MTMR7: variants seen among roughly 807,000 people sequenced by gnomAD.
MTMR7 encodes myotubularin related protein 7, also known as phosphatidylinositol-3-phosphate phosphatase MTMR7.
Under a neutral mutation model 81.2 loss-of-function variants are expected in MTMR7, and 76 were observed. The observed-to-expected ratio is 0.94, with a 90% CI of 0.78 to 1.13. The LOEUF (loss-of-function observed/expected upper bound fraction) is 1.13. Among genes scored for constraint, MTMR7 ranks in the 50% most tolerant of loss-of-function variants. MTMR7 has a pLI of 0.00. For synonymous variants in MTMR7, 372 were observed against 289.8 expected (o/e 1.28, Z -2.88); for missense variants, 1,044 against 820.0 (o/e 1.27, Z -3.34).
intron 3 of MTMR7, among the ~76,000 whole-genome samples, chr8:17,365,950 C>A (rs1216882540): frequency 6.6e-6 from 1 of 152,132 alleles, no homozygotes; most frequent in Non-Finnish European, 1.5e-5. Context: ...CACAGAGATC[C>A]ATGTTTTGGC....
At chr8:17,349,962 A>G (rs1819679982) in intron 4 of MTMR7, among the ~76,000 whole-genome samples, 1 of 152,204 alleles carries the variant, frequency 6.6e-6, no homozygotes, top group Admixed American at 6.5e-5. Flanking sequence ...TGCAGCAACA[A>G]TATCTCATGG....
Position 17,380,237 on chromosome 8 carries a change from G to C in MTMR7, c.25-6997C>G, listed in dbSNP as rs577346193. Among the ~76,000 whole-genome samples, 5 of 152,284 alleles carry C rather than the reference G, an allele frequency of 3.3e-5. No homozygotes were observed. The South Asian group carries it at 1.0e-3, about 32-fold the overall frequency. On this transcript the variant is annotated intron_variant, in intron 1 of 13. Transcript: ENST00000180173. ...TGAATCAGGCCAACCCCAGTTGTCA[G>C]TTTGTTTATGAAAAATCACCAAATA...
intron 12 of MTMR7, 95 bp from the exon 13 acceptor site, chr8:17,302,375 T>A: frequency 7.5e-7 from 1 of 1,341,206 alleles, no homozygotes; most frequent in Non-Finnish European, 1.0e-6. Context: ...ACCACAGTCT[T>A]AATAATAACC....
chr8:17,385,011 T>C (rs1054043671), intron 1 of MTMR7, among the ~76,000 whole-genome samples: 8 of 152,218 alleles, frequency 5.3e-5, no homozygotes, highest in African/African-American at 1.9e-4. Flanking sequence ...GAAAAAATGC[T>C]GGTGGGATGC....
chr8:17,318,271 A>T (rs28622565), intron 7 of MTMR7, among the ~76,000 whole-genome samples: 12,940 of 152,088 alleles, frequency 0.085, 644 homozygotes, highest in African/African-American at 0.14. Context: ...TCTCACAGAC[A>T]CCCAGCAGAC....
chr8:17,317,018 A>C (rs1020064232), intron 7 of MTMR7, among the ~76,000 whole-genome samples: 4 of 152,160 alleles, frequency 2.6e-5, no homozygotes, highest in African/African-American at 7.2e-5. Context: ...GGTAATGCTG[A>C]TGCTTTAAGT....
At chr8:17,393,899 A>T (rs1470505956) in intron 1 of MTMR7, among the ~76,000 whole-genome samples, 3 of 152,236 alleles carry the variant, frequency 2.0e-5, no homozygotes, top group Non-Finnish European at 2.9e-5. Flanking sequence ...AAGAATCTTA[A>T]CAGATATTTC....
chr8:17,372,902 T>C, intron 2 of MTMR7: 1 of 502,680 alleles, frequency 2.0e-6, no homozygotes, highest in East Asian at 3.7e-5. Flanking sequence ...TAAGTCTCTC[T>C]TCACTGATGT....
At chr8:17,329,564 T>C (rs936080608) in intron 7 of MTMR7, among the ~76,000 whole-genome samples, 1 of 152,216 alleles carries the variant, frequency 6.6e-6, no homozygotes, top group African/African-American at 2.4e-5. Flanking sequence ...GTGTATGCTA[T>C]CAGCACTGGT....
At chr8:17,358,637 C>T (rs554032866) in intron 4 of MTMR7, among the ~76,000 whole-genome samples, 1 of 152,184 alleles carries the variant, frequency 6.6e-6, no homozygotes, top group East Asian at 1.9e-4. Context: ...TCAAAACATT[C>T]CCCAAATATG....
chr8:17,400,425 C>T (rs1821393434), intron 1 of MTMR7, among the ~76,000 whole-genome samples: 1 of 152,146 alleles, frequency 6.6e-6, no homozygotes, highest in African/African-American at 2.4e-5. Context: ...TTCTTAACAA[C>T]TCTACCATTT....
chr8:17,307,362 C>T (rs1272201978), intron 10 of MTMR7, among the ~76,000 whole-genome samples: 16 of 152,076 alleles, frequency 1.1e-4, no homozygotes, highest in African/African-American at 2.2e-4. Flanking sequence ...GTTAGAATGG[C>T]GATCATTAAA....
At chr8:17,348,087 A>G (rs1819614016) in intron 5 of MTMR7, among the ~76,000 whole-genome samples, 1 of 152,164 alleles carries the variant, frequency 6.6e-6, no homozygotes, top group African/African-American at 2.4e-5. Flanking sequence ...GCAACAGAAA[A>G]AAATTGTATC....
intron 3 of MTMR7, among the ~76,000 whole-genome samples, chr8:17,370,164 A>G (rs1820371815): frequency 6.6e-6 from 1 of 151,134 alleles, no homozygotes. Context: ...CAGCAGATCC[A>G]TACCCTGAAT....
At chr8:17,397,505 G>A (rs1173958159) in intron 1 of MTMR7, among the ~76,000 whole-genome samples, 1 of 152,188 alleles carries the variant, frequency 6.6e-6, no homozygotes. Context: ...GGAGAGGGAA[G>A]AGCAGGACAG....
intron 1 of MTMR7, among the ~76,000 whole-genome samples, chr8:17,374,838 G>A (rs1322042621): frequency 6.6e-6 from 1 of 151,676 alleles, no homozygotes; most frequent in East Asian, 2.0e-4. Context: ...GCCAGGCACG[G>A]TGGCTCACGC....
chr8:17,407,007 G>A (rs1306583630), intron 1 of MTMR7, among the ~76,000 whole-genome samples: 1 of 152,110 alleles, frequency 6.6e-6, no homozygotes, highest in Non-Finnish European at 1.5e-5. Context: ...TCTCTTTGGA[G>A]TAATGAAAAT....
At chr8:17,358,482 C>A (rs1035021238) in intron 4 of MTMR7, among the ~76,000 whole-genome samples, 1 of 152,156 alleles carries the variant, frequency 6.6e-6, no homozygotes, top group Admixed American at 6.6e-5. Flanking sequence ...CTGTCAGAAT[C>A]AATTGAGCAA....
At chr8:17,402,798 T>G (rs950460910) in intron 1 of MTMR7, among the ~76,000 whole-genome samples, 23 of 152,302 alleles carry the variant, frequency 1.5e-4, no homozygotes, top group African/African-American at 5.5e-4. Context: ...TAGCTCTGTT[T>G]TTAGTTTTTT....
Sources: gnomAD v4.1 joint callset for allele counts (sites outside exome capture counted in the v4.1 genomes callset) on GRCh38, gnomAD v4.1.1 for gene constraint, MANE v1.5 for transcripts, NCBI Gene and HGNC (gene_info 2026-07-23, HGNC 2026-07-21) for gene names.